CDC14A: variants seen among roughly 807,000 people sequenced by gnomAD.
CDC14A encodes cell division cycle 14A, also known as dual specificity protein phosphatase CDC14A.
In CDC14A, 53 loss-of-function variants were observed where a neutral mutation model predicts 74.4. The ratio of observed to expected loss-of-function variants is 0.71; its 90% CI spans 0.57 to 0.89. The LOEUF is 0.89. CDC14A is among the 40% of genes least tolerant of loss of function. CDC14A has a pLI of 0.00. For synonymous variants in CDC14A, 247 were observed against 258.4 expected (o/e 0.96, Z 0.43); for missense variants, 646 against 713.7 (o/e 0.91, Z 1.08).
intron 4 of CDC14A, among the ~76,000 whole-genome samples, chr1:100,414,880 T>TA (rs1219387994): frequency 6.6e-6 from 1 of 152,170 alleles, no homozygotes; most frequent in Admixed American, 6.5e-5. Flanking sequence ...ACGTGTCCTT[T>TA]TAGGTTTCTG....
chr1:100,496,004 CAG>C lies in CDC14A; in HGVS notation c.1255_1256del (p.Asp419Ter). On this transcript the variant is annotated frameshift_variant, in exon 13 of 16. Transcript: ENST00000336454. LOFTEE classifies it high-confidence loss of function. ...GCATCTGTCTTTGATTTCCGCAGGT[CAG>C]ATGATACAAAAGGACATCCAAGAGC... 1 of 1,613,756 alleles carries C rather than the reference CAG, an allele frequency of 6.2e-7. No homozygotes were observed. The highest frequency in any genetic ancestry group is 8.5e-7 in the Non-Finnish European group (1 of 1,179,694).
intron 15 of CDC14A, among the ~76,000 whole-genome samples, chr1:100,507,396 G>T (rs765028489): frequency 2.6e-5 from 4 of 151,784 alleles, no homozygotes; most frequent in Non-Finnish European, 5.9e-5. Context: ...TATTTATCTT[G>T]CCTGGCATCA....
chr1:100,411,312 G>A (rs1248262931), intron 4 of CDC14A, among the ~76,000 whole-genome samples: 1 of 152,052 alleles, frequency 6.6e-6, no homozygotes, highest in Admixed American at 6.6e-5. Flanking sequence ...CTTTCTTGTT[G>A]TCTCTGTGTA....
chr1:100,357,625 G>T (rs371970888), intron 2 of CDC14A, among the ~76,000 whole-genome samples: 4 of 151,896 alleles, frequency 2.6e-5, no homozygotes, highest in Middle Eastern at 3.2e-3. Flanking sequence ...TGCTTTTCCA[G>T]CTGGGTGTGC....
At chr1:100,429,795 A>C (rs932278914) in intron 5 of CDC14A, among the ~76,000 whole-genome samples, 1 of 149,176 alleles carries the variant, frequency 6.7e-6, no homozygotes, top group Non-Finnish European at 1.5e-5. Context: ...ATATCAAGTA[A>C]ATTTAAAACT....
intron 15 of CDC14A, among the ~76,000 whole-genome samples, chr1:100,515,517 G>A (rs1307144574): frequency 2.0e-5 from 3 of 151,658 alleles, no homozygotes; most frequent in African/African-American, 7.3e-5. Context: ...CCGAGTAGCT[G>A]GGATTACAGG....
Position 100,437,413 on chromosome 1 carries a change from T to C in CDC14A, c.390-2519T>C, listed in dbSNP as rs180709146. ...TGAGAACCTGTTGGCACTATGTGGC[T>C]GTCATGAGGATTAAATGCGCTATGC... On this transcript the variant is annotated intron_variant, in intron 5 of 15. Transcript: ENST00000336454. 2.1e-3 allele frequency among the ~76,000 whole-genome samples: 317 copies of C among 152,352 alleles called. 2 individuals are homozygous for C. The highest frequency in any genetic ancestry group is 7.0e-3 in the African/African-American group (293 of 41,578).
intron 10 of CDC14A, among the ~76,000 whole-genome samples, chr1:100,471,483 C>T (rs17482846): frequency 0.01 from 1,532 of 151,794 alleles, 49 homozygotes; most frequent in East Asian, 0.1. Context: ...CACAGAAAAC[C>T]GAAGAATTTT....
chr1:100,510,091 A>G (rs986697216), intron 15 of CDC14A, among the ~76,000 whole-genome samples: 3 of 152,116 alleles, frequency 2.0e-5, no homozygotes, highest in Admixed American at 6.5e-5. Flanking sequence ...TCATCCAAGG[A>G]TACTCATATC....
intron 2 of CDC14A, among the ~76,000 whole-genome samples, chr1:100,356,576 C>G (rs1033442225): frequency 6.6e-6 from 1 of 151,944 alleles, no homozygotes. Context: ...TCAGGGGGGA[C>G]CAGGCATAGT....
In CDC14A at chr1:100,439,961, A is replaced by T; in HGVS notation, c.419A>T (p.Asn140Ile). Residue 140 changes from asparagine (N) to isoleucine (I), a missense_variant, in exon 6 of 16, where the codon AAT (asparagine) becomes ATT (isoleucine). Coordinates refer to ENST00000336454, the MANE Select transcript of CDC14A (RefSeq NM_003672.4). The part of the protein sequence containing the change: ...RDASFGNCTY[N>I]LTILDCLQGI... ...GCTTCCTTTGGAAATTGCACTTACAATCTCACCATTCTCGACTGTTTGCAG... is the reference window on the plus strand; with the variant it reads ...GCTTCCTTTGGAAATTGCACTTACATTCTCACCATTCTCGACTGTTTGCAG... 1 of 1,613,602 alleles carries T rather than the reference A, an allele frequency of 6.2e-7. No individual in the cohort carries two copies. The highest frequency in any genetic ancestry group is 8.5e-7 in the Non-Finnish European group (1 of 1,179,576).
intron 9 of CDC14A, among the ~76,000 whole-genome samples, chr1:100,463,889 C>T (rs1469274227): frequency 6.6e-6 from 1 of 152,032 alleles, no homozygotes; most frequent in East Asian, 1.9e-4. Flanking sequence ...GCAGCTCCTC[C>T]TAGTGTCGCT....
chr1:100,465,107 A>G (rs1667668096), intron 9 of CDC14A, among the ~76,000 whole-genome samples: 1 of 151,662 alleles, frequency 6.6e-6, no homozygotes, highest in Non-Finnish European at 1.5e-5. Context: ...TTATATTTTT[A>G]GTAGAGATGG....
At chr1:100,367,588 G>A (rs1272055651) in intron 2 of CDC14A, among the ~76,000 whole-genome samples, 1 of 152,164 alleles carries the variant, frequency 6.6e-6, no homozygotes, top group East Asian at 1.9e-4. Context: ...ACAAGTGTAA[G>A]TATTGTATCA....
rs1290390741 is a variant in CDC14A at position 100,443,066 on chromosome 1, A to G, written c.519+70A>G. On this transcript the variant is annotated intron_variant, in intron 7 of 15. Coordinates refer to ENST00000336454, the MANE Select transcript of CDC14A (RefSeq NM_003672.4). ...TTAATTTTTTCCCCCTGTCACACTC[A>G]TGTATTGCAAATCGAGTGGGTGCTA... 12 of 1,008,280 alleles carry G rather than the reference A, an allele frequency of 1.2e-5. No homozygotes were observed. In the East Asian group the frequency reaches 1.5e-4, roughly 12 times the overall value. 62.5% of individuals were successfully genotyped at this position (1,008,280 alleles called of 1,614,324 possible).
At position 100,415,741 on chromosome 1, in the gene CDC14A, TTG is replaced by T. The variant is rs147568317; in HGVS notation, c.310-8477_310-8476del. Among the ~76,000 whole-genome samples, 614 of 152,350 alleles carry T rather than the reference TTG, an allele frequency of 4.0e-3. 3 individuals are homozygous for T. The highest frequency in any genetic ancestry group is 0.014 in the African/African-American group (565 of 41,580). On this transcript the variant is annotated intron_variant, in intron 4 of 15. Transcript: ENST00000336454. ...AATATAATACAAGTTTTAAATACAG[TTG>T]TGTTTCTGATTTGTAATCAGACTGA...
chr1:100,466,041 C>A (rs568830672), intron 9 of CDC14A, among the ~76,000 whole-genome samples: 4 of 152,124 alleles, frequency 2.6e-5, no homozygotes, highest in African/African-American at 9.7e-5. Context: ...GTGCTAAGTG[C>A]GTTCTTTTTA....
chr1:100,416,901 C>A lies in CDC14A; in HGVS notation c.310-7321C>A, dbSNP rs186700854. ...TTTCATGCCACTAATGGGGAAAGAA[C>A]CTGTGTCTATGTCATGCTTCCCCTC... On this transcript the variant is annotated intron_variant, in intron 4 of 15. Coordinates refer to ENST00000336454, the MANE Select transcript of CDC14A (RefSeq NM_003672.4). Among the ~76,000 whole-genome samples the A allele has an allele frequency of 1.2e-3, 180 of 152,216 alleles. 3 individuals carry two copies. The highest frequency in any genetic ancestry group is 0.012 in the Admixed American group (179 of 15,286).
chr1:100,443,839 G>A (rs1327388437), intron 7 of CDC14A, among the ~76,000 whole-genome samples: 1 of 152,124 alleles, frequency 6.6e-6, no homozygotes, highest in Non-Finnish European at 1.5e-5. Flanking sequence ...AGGATAAGGA[G>A]GAGTCTAGAA....
Sources: allele counts gnomAD v4.1 joint callset (sites outside exome capture counted in the v4.1 genomes callset), GRCh38; gene constraint gnomAD v4.1.1; transcripts MANE v1.5; gene names NCBI Gene and HGNC (gene_info 2026-07-23, HGNC 2026-07-21).